The following CDH23 variants were observed in gnomAD, a reference collection of about 807,000 sequenced individuals.
The protein encoded by CDH23 is cadherin related 23, also known as cadherin-23.
In CDH23, 189 loss-of-function variants were observed where a neutral mutation model predicts 317.1. That is an observed-to-expected ratio of 0.60 (90% CI 0.53 to 0.67). The LOEUF (loss-of-function observed/expected upper bound fraction) is 0.67. Ranked by LOEUF, CDH23 falls within the 30% of genes least tolerant of loss-of-function variation. The pLI is 0.00. For synonymous variants in CDH23, 1,839 were observed against 1,876.8 expected (o/e 0.98, Z 0.52); for missense variants, 4,401 against 4,592.4 (o/e 0.96, Z 1.20).
intron 14 of CDH23, 114 bp from the exon 15 acceptor site, chr10:71,674,998 C>T (rs1281363635): frequency 1.1e-6 from 1 of 928,250 alleles, no homozygotes; most frequent in Non-Finnish European, 1.7e-6. Flanking sequence ...GGGTCTGGGC[C>T]TCAGAAAATT....
At chr10:71,761,916 C>A in intron 38 of CDH23, 1 of 1,614,060 alleles carries the variant, frequency 6.2e-7, no homozygotes, top group South Asian at 1.1e-5. Flanking sequence ...AAGGTCACAT[C>A]GTGCCCTTTG....
At chr10:71,675,577 CAGA>C (rs1864326859) in intron 15 of CDH23, among the ~76,000 whole-genome samples, 1 of 152,198 alleles carries the variant, frequency 6.6e-6, no homozygotes, top group Non-Finnish European at 1.5e-5. Context: ...AGTGAAATGA[CAGA>C]AGAACTCAGT....
chr10:71,794,236 C>T (rs1329944956), intron 48 of CDH23, among the ~76,000 whole-genome samples: 1 of 152,186 alleles, frequency 6.6e-6, no homozygotes, highest in Non-Finnish European at 1.5e-5. Flanking sequence ...ATCCTGACCT[C>T]AGGTGATCCA....
At chr10:71,788,404 T>C (rs1314892369) in intron 44 of CDH23, among the ~76,000 whole-genome samples, 1 of 152,116 alleles carries the variant, frequency 6.6e-6, no homozygotes, top group Admixed American at 6.5e-5. Context: ...AGAGGGTACC[T>C]CACTGTGGCT....
intron 28 of CDH23, among the ~76,000 whole-genome samples, chr10:71,720,412 C>A (rs1265850288): frequency 7.0e-6 from 1 of 143,448 alleles, no homozygotes; most frequent in African/African-American, 2.7e-5. Context: ...ACTGGAGGCT[C>A]TTTCCAAAAC....
chr10:71,802,691 G>T (rs1841589901), intron 53 of CDH23, among the ~76,000 whole-genome samples: 2 of 152,188 alleles, frequency 1.3e-5, no homozygotes, highest in South Asian at 4.1e-4. Flanking sequence ...ACTGTGCCAA[G>T]GATCTAGGAT....
chr10:71,740,837 C>A lies in CDH23; in HGVS notation c.4504C>A (p.Arg1502=), dbSNP rs769742202. The change falls in exon 37 of 70, where the codon CGA becomes AGA. Residue 1502 remains arginine, a synonymous_variant. Transcript: ENST00000224721. ...HYILQVVASD[R]GTPPRKKDHI... The stretch of plus-strand genomic sequence containing the variant: ...CTCCTTGCAGGTTGTGGCTTCTGAC[C>A]GAGGCACCCCTCCACGGAAGAAGGA... 6.2e-7 allele frequency: 1 copy of A among 1,613,732 alleles called. No individual in the cohort carries two copies. Among genetic ancestry groups the A allele is most frequent in the Non-Finnish European group, 8.5e-7 (1 of 1,179,874 alleles).
At chr10:71,715,871 C>G (rs986366226) in intron 28 of CDH23, 2 of 1,405,384 alleles carry the variant, frequency 1.4e-6, no homozygotes, top group East Asian at 5.4e-5. Context: ...CAGCACCGGT[C>G]TCTGAAGCAG....
intron 11 of CDH23, among the ~76,000 whole-genome samples, chr10:71,640,327 A>T: frequency 6.6e-6 from 1 of 152,112 alleles, no homozygotes; most frequent in Non-Finnish European, 1.5e-5. Context: ...CTCATCCACC[A>T]TACCTTACTG....
chr10:71,814,695 A>ACAC (rs1842065313), intron 69 of CDH23, among the ~76,000 whole-genome samples: 2 of 96,260 alleles, frequency 2.1e-5, no homozygotes, highest in South Asian at 3.4e-4. Flanking sequence ...CACACACACA[A>ACAC]TTTTCACAAG....
intron 38 of CDH23, among the ~76,000 whole-genome samples, chr10:71,774,146 A>G (rs941122134): frequency 2.0e-5 from 3 of 152,084 alleles, no homozygotes; most frequent in African/African-American, 7.3e-5. Flanking sequence ...GGACACACAC[A>G]GATATGCAGG....
chr10:71,786,978 T>C (rs865923575), intron 44 of CDH23, among the ~76,000 whole-genome samples: 8 of 152,126 alleles, frequency 5.3e-5, no homozygotes, highest in Non-Finnish European at 1.2e-4. Context: ...GCACTCCCCA[T>C]CTCTGCACCT....
Position 71,615,534 on chromosome 10 carries a change from A to G in CDH23, c.863A>G (p.Tyr288Cys). ...GNTNSIFALD[Y>C]ISGVLTLNGL... The stretch of plus-strand genomic sequence containing the variant: ...ACCAACAGCATCTTTGCCCTGGACT[A>G]CATCAGCGGAGTGCTGACCTTGAAT... Residue 288 changes from tyrosine (Y) to cysteine (C), a missense_variant, in exon 10 of 70, where the codon TAC becomes TGC. Physicochemically the swap from Tyr to Cys is radical, Grantham distance 194 (BLOSUM62 -2). Coordinates refer to ENST00000224721, the MANE Select transcript of CDH23 (RefSeq NM_022124.6). The G allele has an allele frequency of 6.2e-7, 1 of 1,613,470 alleles. No homozygotes were observed. The highest frequency in any genetic ancestry group is 1.1e-5 in the South Asian group (1 of 91,056).
intron 38 of CDH23, among the ~76,000 whole-genome samples, chr10:71,770,573 C>T (rs74145649): frequency 2.4e-4 from 37 of 152,352 alleles, no homozygotes; most frequent in African/African-American, 8.9e-4. Flanking sequence ...ACCAGACTGA[C>T]CCTGGGTCAT....
chr10:71,543,893 C>T (rs964403091), intron 6 of CDH23, among the ~76,000 whole-genome samples: 2 of 152,000 alleles, frequency 1.3e-5, no homozygotes, highest in South Asian at 2.1e-4. Flanking sequence ...GTGCAGCAGA[C>T]GGATCCTTGG....
chr10:71,602,705 A>G (rs1321665317), intron 9 of CDH23, among the ~76,000 whole-genome samples: 1 of 152,112 alleles, frequency 6.6e-6, no homozygotes, highest in African/African-American at 2.4e-5. Context: ...AGTCTGTGGC[A>G]CTGCACAGCT....
At chr10:71,641,241 C>G (rs1359424067) in intron 11 of CDH23, among the ~76,000 whole-genome samples, 1 of 152,176 alleles carries the variant, frequency 6.6e-6, no homozygotes, top group African/African-American at 2.4e-5. Flanking sequence ...GTAGCTTTTC[C>G]CAGCCCCCAG....
intron 3 of CDH23, among the ~76,000 whole-genome samples, chr10:71,451,498 C>T (rs1245555332): frequency 6.6e-6 from 1 of 152,206 alleles, no homozygotes. Flanking sequence ...CCCTCTAGTT[C>T]CCTAAGTGTG....
chr10:71,798,420 C>T lies in CDH23; in HGVS notation c.6896C>T (p.Thr2299Ile), dbSNP rs1214697586. 3.1e-6 allele frequency: 5 copies of T among 1,613,844 alleles called. No homozygotes were observed. Among genetic ancestry groups the T allele is most frequent in the Non-Finnish European group, 4.2e-6 (5 of 1,179,846 alleles). The change falls in exon 50 of 70, where the codon ACC (threonine) becomes ATC (isoleucine). Residue 2299 changes from threonine (T) to isoleucine (I), a missense_variant. Physicochemically the swap from Thr to Ile is moderately conservative, Grantham distance 89. This residue lies in a region of CDH23 where 3,068 missense variants were observed against 3,203.3 expected (regional missense o/e 0.96). Transcript: ENST00000224721. Reference sequence around the variant, plus strand: ...CCCCAGTTCAAGCCCTTTGGGATCACCTACTACATGGAGCGGATCCTGGAG... The same window carrying T: ...CCCCAGTTCAAGCCCTTTGGGATCATCTACTACATGGAGCGGATCCTGGAG... ...NTPQFKPFGI[T>I]YYMERILEGA...
Sources: gnomAD v4.1 joint callset for allele counts (sites outside exome capture counted in the v4.1 genomes callset) on GRCh38, gnomAD v4.1.1 for gene constraint, gnomAD v4.1.1 regional missense constraint, MANE v1.5 for transcripts, NCBI Gene and HGNC (gene_info 2026-07-23, HGNC 2026-07-21) for gene names.